Variants in GALNT13 observed in about 807,000 individuals in gnomAD.
The protein encoded by GALNT13 is UDP-GalNAc:polypeptide N-acetylgalactosaminyltransferase 13.
A neutral mutation model predicts 64.2 loss-of-function variants in GALNT13; 28 were observed. That is an observed-to-expected ratio of 0.44 (90% CI 0.32 to 0.60). GALNT13 has a LOEUF of 0.60. Among genes scored for constraint, GALNT13 ranks in the 20% least tolerant of loss-of-function variants. The pLI is 0.05. For missense variants in GALNT13, 577 were observed against 669.8 expected (o/e 0.86, Z 1.53); for synonymous variants, 214 against 224.6 (o/e 0.95, Z 0.42).
chr2:153,192,537 C>G, the GALNT13 span, among the ~76,000 whole-genome samples: 1 of 152,034 alleles, frequency 6.6e-6, no homozygotes, highest in African/African-American at 2.4e-5. Context: ...CAGTTTAAAT[C>G]CAATGTTTCT....
chr2:154,161,855 A>G (rs1357436012), intron 4 of GALNT13, among the ~76,000 whole-genome samples: 1 of 151,174 alleles, frequency 6.6e-6, no homozygotes, highest in Non-Finnish European at 1.5e-5. Flanking sequence ...ATCTCAGCTC[A>G]CTGCAAGCTC....
intron 4 of GALNT13, among the ~76,000 whole-genome samples, chr2:154,237,562 A>G (rs4664728): frequency 0.67 from 98,690 of 146,886 alleles, 33,595 homozygotes; most frequent in East Asian, 0.84. Flanking sequence ...AACATGTTAG[A>G]TATTATTTAT....
chr2:154,450,211 A>G (rs1701815311), intron 12 of GALNT13, among the ~76,000 whole-genome samples, 200 bp from the exon 13 acceptor site: 1 of 152,108 alleles, frequency 6.6e-6, no homozygotes, highest in Admixed American at 6.6e-5. Context: ...AAGGTATATT[A>G]GACAATGATG....
chr2:153,267,401 A>G, the GALNT13 span, among the ~76,000 whole-genome samples: 5,151 of 152,276 alleles, frequency 0.034, 283 homozygotes, highest in African/African-American at 0.11. Context: ...AGGTGTTTCC[A>G]TACATCCTCT....
At chr2:154,425,593 C>T (rs1700434488) in intron 11 of GALNT13, among the ~76,000 whole-genome samples, 1 of 152,124 alleles carries the variant, frequency 6.6e-6, no homozygotes, top group Admixed American at 6.6e-5. Context: ...AGAATAAATA[C>T]TTAAGGAATG....
chr2:154,107,601 A>AG (rs1251345416), intron 3 of GALNT13, among the ~76,000 whole-genome samples: 1 of 151,772 alleles, frequency 6.6e-6, no homozygotes. Flanking sequence ...AAAAAAAAAA[A>AG]AAAGAAAGAA....
At chr2:153,590,759 A>C in the GALNT13 span, among the ~76,000 whole-genome samples, 10 of 152,300 alleles carry the variant, frequency 6.6e-5, no homozygotes, top group African/African-American at 2.4e-4. Context: ...GTATTTGATA[A>C]AATTCAACAT....
chr2:153,734,953 A>C, the GALNT13 span, among the ~76,000 whole-genome samples: 1 of 152,194 alleles, frequency 6.6e-6, no homozygotes, highest in South Asian at 2.1e-4. Flanking sequence ...TCTTGCACCT[A>C]CCTGAGTACC....
intron 3 of GALNT13, among the ~76,000 whole-genome samples, chr2:154,068,026 A>C (rs1700557326): frequency 6.6e-6 from 1 of 152,086 alleles, no homozygotes; most frequent in Non-Finnish European, 1.5e-5. Flanking sequence ...AAAAAATCTA[A>C]TAATCCATTT....
At chr2:153,338,069 T>C in the GALNT13 span, among the ~76,000 whole-genome samples, 1 of 152,094 alleles carries the variant, frequency 6.6e-6, no homozygotes, top group South Asian at 2.1e-4. Context: ...TTTGGGAGGA[T>C]CACTTCAGGT....
At chr2:153,166,649 G>GTGTGTGTGTGTGTT in the GALNT13 span, among the ~76,000 whole-genome samples, 30 of 151,548 alleles carry the variant, frequency 2.0e-4, no homozygotes, top group East Asian at 4.9e-3. Flanking sequence ...GTGTGTGTGT[G>GTGTGTGTGTGTGTT]TGTGTGTGTG....
the GALNT13 span, among the ~76,000 whole-genome samples, chr2:153,383,584 A>G: frequency 1.3e-5 from 2 of 152,038 alleles, no homozygotes; most frequent in Non-Finnish European, 2.9e-5. Flanking sequence ...AAAATAGGGT[A>G]TATTTTCAGG....
At position 154,253,802 on chromosome 2, in the gene GALNT13, T is replaced by C. The variant is rs374573108; in HGVS notation, c.858-5219T>C. On this transcript the variant is annotated intron_variant, in intron 7 of 12. Transcript: ENST00000392825. ...ATAAAATTGCAGATAATTTTAACTT[T>C]CAAATAGATTGTTCTGTGGCTATAG... Among the ~76,000 whole-genome samples the C allele has an allele frequency of 3.9e-5, 6 of 152,364 alleles. No individual in the cohort carries two copies. The South Asian group carries it at 1.2e-3, about 32-fold the overall frequency.
At chr2:154,274,487 A>G (rs957583273) in intron 8 of GALNT13, among the ~76,000 whole-genome samples, 3 of 152,016 alleles carry the variant, frequency 2.0e-5, no homozygotes, top group African/African-American at 7.2e-5. Context: ...TGTAGTCCCC[A>G]CGTGTCATGG....
At chr2:153,694,130 A>C in the GALNT13 span, among the ~76,000 whole-genome samples, 1 of 152,100 alleles carries the variant, frequency 6.6e-6, no homozygotes, top group Non-Finnish European at 1.5e-5. Flanking sequence ...ACAAAAAAGC[A>C]ATCGTGAAAT....
chr2:153,838,910 A>G, the GALNT13 span, among the ~76,000 whole-genome samples: 2 of 151,922 alleles, frequency 1.3e-5, no homozygotes, highest in Admixed American at 1.3e-4. Flanking sequence ...ATTCTAATCT[A>G]TTAACAGAAT....
intron 9 of GALNT13, among the ~76,000 whole-genome samples, chr2:154,339,629 T>G (rs1695645652): frequency 6.6e-6 from 1 of 152,170 alleles, no homozygotes; most frequent in Non-Finnish European, 1.5e-5. Flanking sequence ...CAAAGAGTTT[T>G]AATATTGAAT....
At chr2:153,146,479 G>T in the GALNT13 span, among the ~76,000 whole-genome samples, 1 of 151,860 alleles carries the variant, frequency 6.6e-6, no homozygotes, top group South Asian at 2.1e-4. Flanking sequence ...CCAAAATAAA[G>T]AAACTCTAAC....
At chr2:153,502,049 ATTAT>A in the GALNT13 span, among the ~76,000 whole-genome samples, 2 of 152,158 alleles carry the variant, frequency 1.3e-5, no homozygotes, top group Non-Finnish European at 2.9e-5. Context: ...GTTAAAAAAA[ATTAT>A]TTATTTTTTG....
Sources: gnomAD v4.1 joint callset for allele counts (sites outside exome capture counted in the v4.1 genomes callset) on GRCh38, gnomAD v4.1.1 for gene constraint, MANE v1.5 for transcripts, NCBI Gene and HGNC (gene_info 2026-07-23, HGNC 2026-07-21) for gene names.